Variants in ENPP6 observed in about 807,000 individuals in gnomAD.
ENPP6 encodes the protein glycerophosphocholine cholinephosphodiesterase ENPP6.
ENPP6 carries 32 observed loss-of-function variants against 42.0 expected under a neutral mutation model. The observed-to-expected ratio is 0.76, with a 90% CI of 0.58 to 1.02. The LOEUF (loss-of-function observed/expected upper bound fraction) is 1.02, where lower values mean the gene tolerates loss of function less well. Among genes scored for constraint, ENPP6 ranks in the 50% least tolerant of loss-of-function variants. The pLI is 0.00. For synonymous variants in ENPP6, 213 were observed against 216.0 expected (o/e 0.99, Z 0.12); for missense variants, 552 against 566.8 (o/e 0.97, Z 0.27).
At chr4:184,206,058 A>T (rs558719813) in intron 1 of ENPP6, among the ~76,000 whole-genome samples, 1 of 152,108 alleles carries the variant, frequency 6.6e-6, no homozygotes, top group South Asian at 2.1e-4. Context: ...AGACAGGAAG[A>T]GGGCATGCCG....
intron 2 of ENPP6, among the ~76,000 whole-genome samples, chr4:184,148,200 T>C (rs547754963): frequency 4.3e-4 from 66 of 152,340 alleles, no homozygotes; most frequent in African/African-American, 1.5e-3. Flanking sequence ...CTGTATCTGC[T>C]TTTGCTCATG....
At chr4:184,213,117 A>G (rs962370576) in intron 1 of ENPP6, among the ~76,000 whole-genome samples, 2 of 152,004 alleles carry the variant, frequency 1.3e-5, no homozygotes, top group African/African-American at 4.8e-5. Flanking sequence ...TAAACGTTAG[A>G]CCTAAAACCA....
rs374214472 is a variant in ENPP6, at chr4:184,102,766, G to A, written c.994-5398C>T. 2.3e-3 allele frequency among the ~76,000 whole-genome samples: 350 copies of A among 152,354 alleles called. 2 individuals carry two copies. In the South Asian group the frequency reaches 0.038, roughly 16 times the overall value. On this transcript the variant is annotated intron_variant, in intron 6 of 7. Coordinates refer to ENST00000296741, the MANE Select transcript of ENPP6 (RefSeq NM_153343.4). ...GTGTCGCTCCCTGCTGGAAACCAGC[G>A]TGCTCACCGTCCACACCGGTGCATC...
At chr4:184,166,885 C>T (rs1398642927) in intron 1 of ENPP6, among the ~76,000 whole-genome samples, 1 of 152,238 alleles carries the variant, frequency 6.6e-6, no homozygotes, top group Non-Finnish European at 1.5e-5. Flanking sequence ...TGGCTGCGTT[C>T]CTCACACTAG....
rs1429007133 is a variant in ENPP6 at position 184,184,225 on chromosome 4, C to G, written c.242-30492G>C. On this transcript the variant is annotated intron_variant, in intron 1 of 7. Transcript: ENST00000296741. The surrounding 1 kb of genome is among the most constrained non-coding windows in gnomAD (Gnocchi z 4.7). Reference sequence around the variant, plus strand: ...GAAACGACAACCACAGATTTAGCACCAAGAGCTTTAAGTTTGGAATGATTA... The same window carrying G: ...GAAACGACAACCACAGATTTAGCACGAAGAGCTTTAAGTTTGGAATGATTA... 1.3e-5 allele frequency among the ~76,000 whole-genome samples: 2 copies of G among 152,162 alleles called. No individual in the cohort carries two copies. The highest frequency in any genetic ancestry group is 1.9e-4 in the East Asian group (1 of 5,192).
At chr4:184,182,207 AAC>A (rs1732565817) in intron 1 of ENPP6, among the ~76,000 whole-genome samples, 1 of 152,186 alleles carries the variant, frequency 6.6e-6, no homozygotes, top group African/African-American at 2.4e-5. Flanking sequence ...AAAGGACAAA[AAC>A]AGACACTTCT....
At chr4:184,124,505 A>T (rs1192143928) in intron 2 of ENPP6, among the ~76,000 whole-genome samples, 1 of 152,222 alleles carries the variant, frequency 6.6e-6, no homozygotes, top group Non-Finnish European at 1.5e-5. Flanking sequence ...CCCACATCAG[A>T]GACTGGCAAA....
intron 1 of ENPP6, among the ~76,000 whole-genome samples, chr4:184,201,112 G>A (rs1054863191): frequency 1.3e-5 from 2 of 152,120 alleles, no homozygotes; most frequent in African/African-American, 4.8e-5. Context: ...AACACAGCAC[G>A]CGCGCCCCCA....
At chr4:184,194,443 C>T (rs1732763120) in intron 1 of ENPP6, among the ~76,000 whole-genome samples, 1 of 152,134 alleles carries the variant, frequency 6.6e-6, no homozygotes, top group Non-Finnish European at 1.5e-5. Flanking sequence ...TCAGAGAAGA[C>T]AAGAAGACAA....
intron 1 of ENPP6, among the ~76,000 whole-genome samples, chr4:184,154,863 A>G (rs1737132761): frequency 6.6e-6 from 1 of 152,234 alleles, no homozygotes; most frequent in South Asian, 2.1e-4. Flanking sequence ...TAAGATGTTG[A>G]GCAATTTTGG....
chr4:184,096,660 T>A (rs1303286531), intron 7 of ENPP6, among the ~76,000 whole-genome samples: 1 of 152,140 alleles, frequency 6.6e-6, no homozygotes, highest in African/African-American at 2.4e-5. Context: ...TAGGAATTAA[T>A]CTGGTCAAGA....
At chr4:184,192,093 A>C (rs1215953204) in intron 1 of ENPP6, among the ~76,000 whole-genome samples, 1 of 152,224 alleles carries the variant, frequency 6.6e-6, no homozygotes, top group Non-Finnish European at 1.5e-5. Flanking sequence ...CCTTATCCAA[A>C]TTCCAGCTGG....
intron 6 of ENPP6, among the ~76,000 whole-genome samples, chr4:184,105,671 A>G (rs576607977): frequency 6.6e-6 from 1 of 152,154 alleles, no homozygotes; most frequent in Non-Finnish European, 1.5e-5. Context: ...ATTGACCAAA[A>G]TTTTTTTTAA....
chr4:184,119,592 C>A (rs1237662201), intron 3 of ENPP6, among the ~76,000 whole-genome samples: 4 of 152,164 alleles, frequency 2.6e-5, no homozygotes, highest in Non-Finnish European at 5.9e-5. Context: ...GCAAGATTAT[C>A]TCCAAGCCTC....
intron 1 of ENPP6, among the ~76,000 whole-genome samples, chr4:184,206,971 AC>A (rs951061505): frequency 3.3e-5 from 5 of 152,158 alleles, no homozygotes; most frequent in African/African-American, 1.2e-4. Flanking sequence ...CTGGCCAGTT[AC>A]TGTGTGAGAA....
At chr4:184,118,363 T>C (rs1447827700) in intron 3 of ENPP6, among the ~76,000 whole-genome samples, 1 of 152,214 alleles carries the variant, frequency 6.6e-6, no homozygotes, top group African/African-American at 2.4e-5. Flanking sequence ...AGTTTACCAT[T>C]GCATTAAAGT....
intron 1 of ENPP6, among the ~76,000 whole-genome samples, chr4:184,211,803 C>T (rs1733117853): frequency 6.6e-6 from 1 of 151,594 alleles, no homozygotes; most frequent in Admixed American, 6.6e-5. Flanking sequence ...AATTTTAGAC[C>T]AATATCCTTC....
At chr4:184,216,658 A>G (rs1733200173) in intron 1 of ENPP6, 1 of 152,206 alleles carries the variant, frequency 6.6e-6, no homozygotes, top group South Asian at 2.1e-4. Context: ...GCCTCCCTGG[A>G]TAGTTTGCTA....
At chr4:184,151,199 G>A (rs565573918) in intron 2 of ENPP6, among the ~76,000 whole-genome samples, 8 of 152,298 alleles carry the variant, frequency 5.3e-5, no homozygotes, top group African/African-American at 7.2e-5. Flanking sequence ...TTAGCCAGGC[G>A]TGGTGGTGCA....
Sources: gnomAD v4.1 joint callset for allele counts (sites outside exome capture counted in the v4.1 genomes callset) on GRCh38, gnomAD v4.1.1 for gene constraint, Gnocchi (gnomAD v3.1) non-coding constraint, MANE v1.5 for transcripts, NCBI Gene and HGNC (gene_info 2026-07-23, HGNC 2026-07-21) for gene names.